PTPRR: variants seen among roughly 807,000 people sequenced by gnomAD.
PTPRR encodes the protein receptor-type tyrosine-protein phosphatase R.
In PTPRR, 38 loss-of-function variants were observed where a neutral mutation model predicts 77.2. That is an observed-to-expected ratio of 0.49 (90% CI 0.38 to 0.65). PTPRR has a LOEUF of 0.65. PTPRR is among the 30% of genes least tolerant of loss of function. PTPRR has a pLI of 0.00. For synonymous variants in PTPRR, 299 were observed against 283.1 expected (o/e 1.06, Z -0.57); for missense variants, 744 against 799.2 (o/e 0.93, Z 0.83).
At chr12:70,785,508 G>T (rs904304777) in intron 2 of PTPRR, among the ~76,000 whole-genome samples, 3 of 152,102 alleles carry the variant, frequency 2.0e-5, no homozygotes, top group African/African-American at 7.2e-5. Flanking sequence ...ACAATTTTGA[G>T]TAAGCCCCTA....
intron 5 of PTPRR, among the ~76,000 whole-genome samples, chr12:70,752,453 C>T (rs1890432270): frequency 6.6e-6 from 1 of 152,182 alleles, no homozygotes; most frequent in African/African-American, 2.4e-5. Flanking sequence ...ACTATAGGTC[C>T]TTTTGCCACA....
chr12:70,844,359 A>G (rs1346332750), intron 2 of PTPRR, among the ~76,000 whole-genome samples: 1 of 152,202 alleles, frequency 6.6e-6, no homozygotes, highest in Non-Finnish European at 1.5e-5. Flanking sequence ...GCTAAATAAA[A>G]TAAGACTAAA....
At chr12:70,710,723 T>G (rs1888795483) in intron 6 of PTPRR, among the ~76,000 whole-genome samples, 1 of 151,050 alleles carries the variant, frequency 6.6e-6, no homozygotes, top group African/African-American at 2.4e-5. Context: ...AAAATCTCAT[T>G]AAAAGGTGAT....
chr12:70,757,418 T>C (rs1215506716), intron 4 of PTPRR, among the ~76,000 whole-genome samples: 1 of 152,190 alleles, frequency 6.6e-6, no homozygotes, highest in Non-Finnish European at 1.5e-5. Flanking sequence ...TTTAATTTTA[T>C]TTTCCTGGGA....
intron 2 of PTPRR, among the ~76,000 whole-genome samples, chr12:70,880,159 A>G (rs2137102955): frequency 6.6e-6 from 1 of 152,208 alleles, no homozygotes; most frequent in East Asian, 1.9e-4. Context: ...CAATTTTTAT[A>G]AGGATCTTAG....
intron 2 of PTPRR, among the ~76,000 whole-genome samples, chr12:70,831,195 A>C (rs1385900307): frequency 1.3e-5 from 2 of 152,214 alleles, no homozygotes; most frequent in Non-Finnish European, 2.9e-5. Context: ...TCCTTGATTG[A>C]ACAACAAAAA....
intron 2 of PTPRR, among the ~76,000 whole-genome samples, chr12:70,860,408 G>T (rs1892731843): frequency 6.6e-6 from 1 of 152,038 alleles, no homozygotes; most frequent in Admixed American, 6.6e-5. Flanking sequence ...TTCAATTAAG[G>T]ATAGCCCAAA....
At chr12:70,770,621 G>A (rs2136981739) in intron 2 of PTPRR, among the ~76,000 whole-genome samples, 1 of 152,302 alleles carries the variant, frequency 6.6e-6, no homozygotes, top group East Asian at 1.9e-4. Context: ...TCTAGAACTA[G>A]AAATACCATT....
chr12:70,712,848 A>G lies in PTPRR; in HGVS notation c.1008-11525T>C, dbSNP rs554538202. ...TTAATGAGTAATATTTATGATAGAA[A>G]ACTAAAGTTATATATACTCCCTCCT... is the stretch of plus-strand genomic sequence containing the variant. On this transcript the variant is annotated intron_variant, in intron 6 of 13. Coordinates refer to ENST00000283228, the MANE Select transcript of PTPRR (RefSeq NM_002849.4). Among the ~76,000 whole-genome samples, 339 of 152,138 alleles carry G rather than the reference A, an allele frequency of 2.2e-3. 1 individual carries two copies. Among genetic ancestry groups the G allele is most frequent in the Non-Finnish European group, 4.2e-3 (283 of 67,994 alleles).
intron 6 of PTPRR, among the ~76,000 whole-genome samples, chr12:70,721,013 G>A (rs1342542772): frequency 2.0e-5 from 3 of 152,030 alleles, no homozygotes; most frequent in African/African-American, 7.2e-5. Flanking sequence ...GTCAACACAG[G>A]TTTAGTTATT....
At chr12:70,917,502 G>A (rs1461822280) in intron 1 of PTPRR, among the ~76,000 whole-genome samples, 3 of 151,992 alleles carry the variant, frequency 2.0e-5, no homozygotes, top group Non-Finnish European at 2.9e-5. Context: ...TATAAAAATC[G>A]GCTGCCATGG....
chr12:70,733,707 T>C (rs1280820053), intron 6 of PTPRR, among the ~76,000 whole-genome samples: 3 of 152,162 alleles, frequency 2.0e-5, no homozygotes, highest in South Asian at 2.1e-4. Context: ...AAGTGGTTTT[T>C]ATAAGATTTC....
At chr12:70,804,966 C>G (rs376838590) in intron 2 of PTPRR, among the ~76,000 whole-genome samples, 1 of 152,106 alleles carries the variant, frequency 6.6e-6, no homozygotes, top group African/African-American at 2.4e-5. Flanking sequence ...TAAAAGATAG[C>G]AAATAATATT....
At chr12:70,778,643 C>T (rs1276145874) in intron 2 of PTPRR, among the ~76,000 whole-genome samples, 1 of 152,094 alleles carries the variant, frequency 6.6e-6, no homozygotes, top group African/African-American at 2.4e-5. Flanking sequence ...GTTTTTTCAG[C>T]AGAATCTTTT....
chr12:70,791,817 A>T (rs1891426118), intron 2 of PTPRR, among the ~76,000 whole-genome samples: 1 of 152,192 alleles, frequency 6.6e-6, no homozygotes, highest in Non-Finnish European at 1.5e-5. Flanking sequence ...ATTTGAATAA[A>T]ATATTTTGTT....
At chr12:70,764,287 A>G (rs2136966126) in intron 3 of PTPRR, among the ~76,000 whole-genome samples, 1 of 152,200 alleles carries the variant, frequency 6.6e-6, no homozygotes, top group South Asian at 2.1e-4. Flanking sequence ...AGAAGCTTTC[A>G]CTCTAATGGA....
Position 70,890,940 on chromosome 12 carries a change from T to C in PTPRR, c.357+1739A>G, listed in dbSNP as rs1893324936. Among the ~76,000 whole-genome samples the C allele has an allele frequency of 2.6e-5, 4 of 152,076 alleles. No homozygotes were observed. The South Asian group carries it at 8.3e-4, about 32-fold the overall frequency. On this transcript the variant is annotated intron_variant, in intron 2 of 13. Transcript: ENST00000283228. ...TGCTTTTTGAGGAAGCTAAACATTA[T>C]TGATTTATTTAAAAAATAACCCTGC...
At position 70,758,155 on chromosome 12, in the gene PTPRR, C is replaced by T. The variant is rs369490826; in HGVS notation, c.627+3316G>A. ...ATGCTCCTTATATCTGATTCAAATA[C>T]TTCCTCATCTTCTGTAATGCATATT... is the stretch of plus-strand genomic sequence containing the variant. On this transcript the variant is annotated intron_variant, in intron 4 of 13. Transcript: ENST00000283228. Among the ~76,000 whole-genome samples, 9 of 152,346 alleles carry T rather than the reference C, an allele frequency of 5.9e-5. No individual in the cohort carries two copies. In the East Asian group the frequency reaches 1.5e-3, roughly 26 times the overall value.
intron 1 of PTPRR, among the ~76,000 whole-genome samples, chr12:70,897,558 G>C (rs1289669826): frequency 6.6e-6 from 1 of 151,918 alleles, no homozygotes; most frequent in Admixed American, 6.6e-5. Flanking sequence ...CTGTTGGTGG[G>C]ACTGTAAATT....
Sources: allele counts gnomAD v4.1 joint callset (sites outside exome capture counted in the v4.1 genomes callset), GRCh38; gene constraint gnomAD v4.1.1; transcripts MANE v1.5; gene names NCBI Gene and HGNC (gene_info 2026-07-23, HGNC 2026-07-21).